The following ABCC9 variants were observed in gnomAD, a reference collection of about 807,000 sequenced individuals.
ABCC9 encodes ATP binding cassette subfamily C member 9.
ABCC9 carries 95 observed loss-of-function variants against 188.3 expected under a neutral mutation model. That is an observed-to-expected ratio of 0.50 (90% CI 0.43 to 0.60). The LOEUF is 0.60. Ranked by LOEUF, ABCC9 falls within the 20% of genes least tolerant of loss-of-function variation. The pLI is 0.00. For synonymous variants in ABCC9, 659 were observed against 652.7 expected, an observed-to-expected ratio of 1.01 and a Z score of -0.15; for missense variants, 1,102 against 1,876.3, an observed-to-expected ratio of 0.59 and a Z score of 7.62.
intron 37 of ABCC9, 103 bp from the exon 38 acceptor site, chr12:21,807,582 G>A (rs1941945579): frequency 6.7e-7 from 1 of 1,488,400 alleles, no homozygotes; most frequent in East Asian, 2.3e-5. Flanking sequence ...CAGCATGATG[G>A]ATATCACTTA....
chr12:21,857,534 G>A (rs562700442), intron 22 of ABCC9, among the ~76,000 whole-genome samples: 15 of 152,174 alleles, frequency 9.9e-5, no homozygotes, highest in Admixed American at 6.5e-4. Context: ...CTGTGACTGT[G>A]TTACCTTATA....
intron 35 of ABCC9, among the ~76,000 whole-genome samples, chr12:21,812,461 A>G (rs907665322): frequency 3.3e-5 from 5 of 152,228 alleles, no homozygotes; most frequent in African/African-American, 4.8e-5. Flanking sequence ...AATGCCCATC[A>G]ATGATAGAGT....
At chr12:21,820,504 CTA>C (rs535874368) in intron 31 of ABCC9, among the ~76,000 whole-genome samples, 2 of 150,300 alleles carry the variant, frequency 1.3e-5, no homozygotes, top group African/African-American at 2.4e-5. Context: ...TATATATAGC[CTA>C]TATATATATA....
intron 16 of ABCC9, among the ~76,000 whole-genome samples, chr12:21,880,608 A>G (rs1946573621): frequency 6.6e-6 from 1 of 152,190 alleles, no homozygotes; most frequent in Non-Finnish European, 1.5e-5. Context: ...TATATCTTAT[A>G]TCGAAAGTTG....
At chr12:21,913,097 A>G (rs1948398424) in intron 7 of ABCC9, 31 bp from the exon 8 acceptor site, 1 of 1,572,376 alleles carries the variant, frequency 6.4e-7, no homozygotes, top group Non-Finnish European at 8.6e-7. Context: ...AAAAAAACAG[A>G]TGTAACAAAA....
At chr12:21,850,422 A>C (rs1400262337) in intron 24 of ABCC9, among the ~76,000 whole-genome samples, 2 of 152,028 alleles carry the variant, frequency 1.3e-5, no homozygotes, top group African/African-American at 4.8e-5. Context: ...TGAGATAAGG[A>C]TTCTGGGCAG....
intron 12 of ABCC9, among the ~76,000 whole-genome samples, chr12:21,896,683 G>C (rs1247231495): frequency 6.6e-6 from 1 of 152,026 alleles, no homozygotes; most frequent in Non-Finnish European, 1.5e-5. Flanking sequence ...CTGTTCCTGG[G>C]TTAGTTTCTG....
rs140182559 is a variant in ABCC9 at position 21,818,192 on chromosome 12, C to T, written c.3729G>A (p.Ser1243=). Residue 1243 remains serine (S), a synonymous_variant, in exon 32 of 40, where the codon TCG becomes TCA. Transcript: ENST00000261200. ...TASIASISGS[S]NSGLVGLGLL... ...GACCCAAGCCTACCAATCCAGAATT[C>T]GAAGACCCACTAATGGATGCTATAG... 83 of 1,613,910 alleles carry T rather than the reference C, an allele frequency of 5.1e-5. No individual in the cohort carries two copies. In the African/African-American group the frequency reaches 7.1e-4, roughly 14 times the overall value.
intron 12 of ABCC9, among the ~76,000 whole-genome samples, chr12:21,895,799 C>A (rs1432171490): frequency 1.3e-5 from 2 of 152,146 alleles, no homozygotes; most frequent in African/African-American, 4.8e-5. Context: ...AATAAAATAA[C>A]TCCATATCCT....
At position 21,812,367 on chromosome 12, in the gene ABCC9, A is replaced by C. The variant is rs145391491; in HGVS notation, c.4103-210T>G. Among the ~76,000 whole-genome samples, 650 of 152,340 alleles carry C rather than the reference A, an allele frequency of 4.3e-3. 3 individuals carry two copies. Among genetic ancestry groups the C allele is most frequent in the Non-Finnish European group, 6.9e-3 (469 of 68,036 alleles). Reference sequence around the variant, plus strand: ...TTACTGGGTATATACCCAAAGGATTATAAATCATTCTACTTTAAAGACACA... The same window carrying C: ...TTACTGGGTATATACCCAAAGGATTCTAAATCATTCTACTTTAAAGACACA... On this transcript the variant is annotated intron_variant, in intron 35 of 39. Coordinates refer to ENST00000261200, the MANE Select transcript of ABCC9 (RefSeq NM_020297.4).
At chr12:21,886,610 A>T (rs1946885831) in intron 15 of ABCC9, among the ~76,000 whole-genome samples, 1 of 152,162 alleles carries the variant, frequency 6.6e-6, no homozygotes, top group Non-Finnish European at 1.5e-5. Flanking sequence ...ATCTTTTAAA[A>T]ATATAAACAA....
chr12:21,891,898 C>G (rs1429749381), intron 14 of ABCC9, among the ~76,000 whole-genome samples: 1 of 152,126 alleles, frequency 6.6e-6, no homozygotes, highest in East Asian at 1.9e-4. Flanking sequence ...AGAAAATGCT[C>G]TAAGTCCAAT....
Position 21,908,068 on chromosome 12 carries a change from G to T in ABCC9, c.1455+9C>A. 6.2e-7 allele frequency: 1 copy of T among 1,611,698 alleles called. No individual in the cohort carries two copies. The highest frequency in any genetic ancestry group is 8.5e-7 in the Non-Finnish European group (1 of 1,178,438). On this transcript the variant is annotated intron_variant, in intron 11 of 39. Coordinates refer to ENST00000261200, the MANE Select transcript of ABCC9 (RefSeq NM_020297.4). ...TTTTGTAATTAAGTTTCCAAAAGAT[G>T]TTACTTACAAGTGTACTTTTCTGAG...
intron 4 of ABCC9, among the ~76,000 whole-genome samples, chr12:21,932,428 T>A (rs1949326093): frequency 6.6e-6 from 1 of 151,956 alleles, no homozygotes; most frequent in Non-Finnish European, 1.5e-5. Context: ...TGCATCTAAT[T>A]AAACTAAAGA....
At chr12:21,814,530 G>A in intron 35 of ABCC9, 114 bp downstream of exon 35, 3 of 857,638 alleles carry the variant, frequency 3.5e-6, no homozygotes, top group African/African-American at 1.7e-5. Flanking sequence ...ACCATGTGTA[G>A]AGCACAAAGT....
chr12:21,906,368 T>C, intron 11 of ABCC9, 80 bp from the exon 12 acceptor site: 1 of 1,437,758 alleles, frequency 7.0e-7, no homozygotes, highest in African/African-American at 1.4e-5. Context: ...GGACAGGGAT[T>C]GAGGAGACCT....
chr12:21,919,759 C>T (rs987028440), intron 5 of ABCC9, among the ~76,000 whole-genome samples: 1 of 151,978 alleles, frequency 6.6e-6, no homozygotes, highest in Non-Finnish European at 1.5e-5. Context: ...CACTTTCCAA[C>T]TCATTTATGA....
At chr12:21,910,044 G>A (rs1168877088) in intron 10 of ABCC9, 113 bp downstream of exon 10, 4 of 1,017,730 alleles carry the variant, frequency 3.9e-6, no homozygotes, top group Non-Finnish European at 3.0e-6. Context: ...ATAAAAGAGT[G>A]TAATATTTGC....
intron 16 of ABCC9, among the ~76,000 whole-genome samples, chr12:21,882,095 G>A (rs1946651977): frequency 6.6e-6 from 1 of 152,156 alleles, no homozygotes; most frequent in Non-Finnish European, 1.5e-5. Flanking sequence ...CCGTCTCTGT[G>A]ACTGGCCTAG....
Sources: gnomAD v4.1 joint callset for allele counts (sites outside exome capture counted in the v4.1 genomes callset) on GRCh38, gnomAD v4.1.1 for gene constraint, MANE v1.5 for transcripts, NCBI Gene and HGNC (gene_info 2026-07-23, HGNC 2026-07-21) for gene names.